SPRED2: variants seen among roughly 807,000 people sequenced by gnomAD.
SPRED2 encodes the protein sprouty related EVH1 domain containing 2.
SPRED2 carries 47 observed loss-of-function variants against 43.0 expected under a neutral mutation model. That is an observed-to-expected ratio of 1.09 (90% CI 0.87 to 1.40). SPRED2 has a LOEUF of 1.40. Ranked by LOEUF, SPRED2 falls within the 40% of genes most tolerant of loss-of-function variation. SPRED2 has a pLI of 0.00. For missense variants in SPRED2, 561 were observed against 586.4 expected (o/e 0.96, Z 0.45); for synonymous variants, 225 against 225.7 (o/e 1.00, Z 0.03).
chr2:65,333,094 T>G (rs559136110), intron 3 of SPRED2, among the ~76,000 whole-genome samples: 7 of 151,904 alleles, frequency 4.6e-5, no homozygotes, highest in African/African-American at 1.7e-4. Context: ...AGTGAAACCC[T>G]GTCTCTACTA....
At chr2:65,366,173 T>C (rs953922465) in intron 1 of SPRED2, among the ~76,000 whole-genome samples, 1 of 152,318 alleles carries the variant, frequency 6.6e-6, no homozygotes, top group African/African-American at 2.4e-5. Flanking sequence ...TAGTAATTGT[T>C]AGACCACCTC....
intron 1 of SPRED2, among the ~76,000 whole-genome samples, chr2:65,369,874 G>C (rs1042494018): frequency 6.6e-6 from 1 of 152,232 alleles, no homozygotes; most frequent in African/African-American, 2.4e-5. Context: ...CTGGAAAGCA[G>C]CCTGGACATA....
intron 1 of SPRED2, among the ~76,000 whole-genome samples, chr2:65,400,848 T>A (rs1675868610): frequency 6.6e-6 from 1 of 152,194 alleles, no homozygotes; most frequent in Non-Finnish European, 1.5e-5. Context: ...GCAGTTCAGT[T>A]CTAGCGTTCT....
intron 1 of SPRED2, among the ~76,000 whole-genome samples, chr2:65,429,425 A>G (rs1252077944): frequency 6.6e-6 from 1 of 152,214 alleles, no homozygotes; most frequent in Non-Finnish European, 1.5e-5. Flanking sequence ...AAATTCACCC[A>G]AAGTAGGAAT....
intron 1 of SPRED2, among the ~76,000 whole-genome samples, chr2:65,368,787 T>A (rs1468864027): frequency 6.6e-6 from 1 of 152,066 alleles, no homozygotes; most frequent in Non-Finnish European, 1.5e-5. Flanking sequence ...CCTAAAAAAA[T>A]TAAAAAAGAG....
chr2:65,322,294 A>ATATATTTTTTTTTTT (rs1350932295), intron 4 of SPRED2, among the ~76,000 whole-genome samples: 1 of 64,930 alleles, frequency 1.5e-5, no homozygotes, highest in African/African-American at 7.1e-5. Flanking sequence ...ATATATATAT[A>ATATATTTTTTTTTTT]TTTTTTTTTT....
chr2:65,363,442 G>C (rs1330630644), intron 1 of SPRED2, among the ~76,000 whole-genome samples: 3 of 152,108 alleles, frequency 2.0e-5, no homozygotes, highest in Non-Finnish European at 4.4e-5. Context: ...ACATTTAGGA[G>C]TTTATGTCGT....
chr2:65,406,009 A>G (rs1676015413), intron 1 of SPRED2, among the ~76,000 whole-genome samples: 2 of 152,132 alleles, frequency 1.3e-5, no homozygotes, highest in Admixed American at 1.3e-4. Context: ...CCTGTAGAAA[A>G]ACAACCAGGC....
intron 1 of SPRED2, among the ~76,000 whole-genome samples, chr2:65,357,449 C>G (rs113071067): frequency 1.3e-5 from 2 of 152,178 alleles, no homozygotes; most frequent in Non-Finnish European, 2.9e-5. Context: ...AAATTAAAAT[C>G]CAGACTGCAG....
At chr2:65,379,359 G>C (rs1675317947) in intron 1 of SPRED2, among the ~76,000 whole-genome samples, 1 of 152,076 alleles carries the variant, frequency 6.6e-6, no homozygotes, top group Non-Finnish European at 1.5e-5. Context: ...GCTGAGTACT[G>C]GGGCCCTAAC....
intron 4 of SPRED2, among the ~76,000 whole-genome samples, chr2:65,327,870 C>T (rs573531675): frequency 1.3e-5 from 2 of 151,600 alleles, no homozygotes; most frequent in African/African-American, 4.8e-5. Flanking sequence ...ATTACAGGGG[C>T]CCGCCATCAT....
At chr2:65,345,989 T>C (rs1326418555) in intron 1 of SPRED2, among the ~76,000 whole-genome samples, 1 of 152,204 alleles carries the variant, frequency 6.6e-6, no homozygotes, top group Non-Finnish European at 1.5e-5. Context: ...CATTCAAACA[T>C]ATATTTGCGT....
At chr2:65,361,607 A>T (rs2104315535) in intron 1 of SPRED2, among the ~76,000 whole-genome samples, 1 of 152,366 alleles carries the variant, frequency 6.6e-6, no homozygotes, top group South Asian at 2.1e-4. Flanking sequence ...CACACAGATT[A>T]TTAAACACAC....
chr2:65,345,779 T>C (rs981977957), intron 1 of SPRED2, among the ~76,000 whole-genome samples: 1 of 152,232 alleles, frequency 6.6e-6, no homozygotes, highest in African/African-American at 2.4e-5. Flanking sequence ...TGTTTATGAT[T>C]TTATTTCTTC....
chr2:65,403,377 G>C (rs1675950275), intron 1 of SPRED2, among the ~76,000 whole-genome samples: 1 of 152,206 alleles, frequency 6.6e-6, no homozygotes, highest in Non-Finnish European at 1.5e-5. Flanking sequence ...GAGCTCAAGT[G>C]ATCCTCCTGC....
intron 1 of SPRED2, among the ~76,000 whole-genome samples, chr2:65,380,857 C>CAT (rs2308100): frequency 0.91 from 138,812 of 152,134 alleles, 63,813 homozygotes; most frequent in East Asian, 1. Flanking sequence ...ATTCAAGCCA[C>CAT]GATTATATCT....
In SPRED2 at chr2:65,318,861, T is replaced by C. The variant is rs1673323815; in HGVS notation, c.439-1978A>G. On this transcript the variant is annotated intron_variant, in intron 4 of 5. Transcript: ENST00000356388. ...GGGGGTCTTGCCAAGTTGCCCAGGC[T>C]GGTCTTGAACTCCTGGGCTCAAGTG... 1.3e-5 allele frequency among the ~76,000 whole-genome samples: 2 copies of C among 152,082 alleles called. 1 individual carries two copies. Among genetic ancestry groups the C allele is most frequent in the South Asian group, 4.1e-4 (2 of 4,822 alleles).
At chr2:65,335,804 C>G (rs776914219) in intron 2 of SPRED2, among the ~76,000 whole-genome samples, 3 of 152,122 alleles carry the variant, frequency 2.0e-5, no homozygotes, top group Admixed American at 2.0e-4. Flanking sequence ...ATAATTTGAA[C>G]GTAAACTTCA....
At chr2:65,349,182 G>A (rs1326447574) in intron 1 of SPRED2, among the ~76,000 whole-genome samples, 1 of 151,946 alleles carries the variant, frequency 6.6e-6, no homozygotes, top group Admixed American at 6.6e-5. Context: ...CGGTGCTTTC[G>A]CCTGTAATCC....
Sources: gnomAD v4.1 joint callset for allele counts (sites outside exome capture counted in the v4.1 genomes callset) on GRCh38, gnomAD v4.1.1 for gene constraint, MANE v1.5 for transcripts, NCBI Gene and HGNC (gene_info 2026-07-23, HGNC 2026-07-21) for gene names.